Variants in DBN1 observed in about 807,000 individuals in gnomAD.
DBN1 encodes drebrin.
A neutral mutation model predicts 83.5 loss-of-function variants in DBN1; 21 were observed. That is an observed-to-expected ratio of 0.25 (90% CI 0.18 to 0.36). The LOEUF is 0.36. Among genes scored for constraint, DBN1 ranks in the 10% least tolerant of loss-of-function variants. The pLI, the probability that DBN1 is intolerant of heterozygous loss-of-function variation, is 1.00. For synonymous variants in DBN1, 381 were observed against 384.9 expected (o/e 0.99, Z 0.12); for missense variants, 874 against 935.7 (o/e 0.93, Z 0.86).
At position 177,459,219 on chromosome 5, in the gene DBN1, C is replaced by T. The variant is rs781287215; in HGVS notation, c.1143G>A (p.Thr381=). 2.1e-5 allele frequency: 34 copies of T among 1,610,848 alleles called. No homozygotes were observed. The highest frequency in any genetic ancestry group is 1.5e-4 in the African/African-American group (11 of 74,714). ...CGGTGCTGGAGTCAGACGGGCTCCG[C>T]GTGGGGATGGGAGTGGGCGCCATCC... ...HRRMAPTPIP[T]RSPSDSSTAS... The change falls in exon 12 of 15, where the codon ACG becomes ACA. Residue 381 remains threonine, a synonymous_variant. Transcript: ENST00000393565.
chr5:177,458,954 C>G, intron 12 of DBN1, 144 bp downstream of exon 12: 1 of 1,401,378 alleles, frequency 7.1e-7, no homozygotes, highest in South Asian at 1.5e-5. Flanking sequence ...CACCAGGGCT[C>G]CTCCCCACAC....
At chr5:177,468,583 T>C (rs963110406) in intron 2 of DBN1, 22 of 432,630 alleles carry the variant, frequency 5.1e-5, no homozygotes, top group Non-Finnish European at 7.4e-5. Context: ...TCCCCCAAAG[T>C]GTCCCAGCTG....
At chr5:177,468,976 G>T in intron 1 of DBN1, 77 bp from the exon 2 acceptor site, 2 of 909,804 alleles carry the variant, frequency 2.2e-6, no homozygotes, top group East Asian at 5.9e-5. Context: ...CTCTGGGGAG[G>T]GAGAGGGACA....
At position 177,466,618 on chromosome 5, in the gene DBN1, C is replaced by G. The variant is rs1757458050; in HGVS notation, c.771+154G>C. On this transcript the variant is annotated intron_variant, in intron 8 of 14. Transcript: ENST00000393565. The surrounding 1 kb of genome is among the most constrained non-coding windows in gnomAD (Gnocchi z 4.8). ...GCCAGAGCCCCACGTGATGAGGTGC[C>G]AGGCCTCATGCTCCATGGCACCCTG... is the stretch of plus-strand genomic sequence containing the variant. Among the ~76,000 whole-genome samples, 1 of 152,178 alleles carries G rather than the reference C, an allele frequency of 6.6e-6. No homozygotes were observed. The highest frequency in any genetic ancestry group is 1.5e-5 in the Non-Finnish European group (1 of 68,032).
At chr5:177,459,550 G>A (rs1756849817) in intron 11 of DBN1, 53 bp downstream of exon 11, 1 of 1,449,580 alleles carries the variant, frequency 6.9e-7, no homozygotes, top group Admixed American at 2.6e-5. Flanking sequence ...GGGGGCTGCT[G>A]GGAAGCGGGG....
At chr5:177,472,122 C>G in intron 1 of DBN1, 1 of 1,608,224 alleles carries the variant, frequency 6.2e-7, no homozygotes, top group Non-Finnish European at 8.5e-7. Flanking sequence ...GACTGACCTG[C>G]AGGACACGAG....
intron 1 of DBN1, chr5:177,472,135 CTTGTCTCT>C (rs1384271078): frequency 1.2e-6 from 2 of 1,611,638 alleles, no homozygotes; most frequent in East Asian, 2.2e-5. Flanking sequence ...GACACGAGAG[CTTGTCTCT>C]CGCGTCCATC....
intron 1 of DBN1, among the ~76,000 whole-genome samples, chr5:177,471,134 T>TGGGGTGAGCTGGGATGG (rs1217800970): frequency 1.3e-5 from 2 of 150,990 alleles, no homozygotes; most frequent in African/African-American, 2.4e-5. Context: ...CCAGAGACCC[T>TGGGGTGAGCTGGGATGG]GGGGTGAGCT....
intron 8 of DBN1, among the ~76,000 whole-genome samples, chr5:177,461,772 C>T (rs1265966360): frequency 6.6e-6 from 1 of 152,166 alleles, no homozygotes; most frequent in Non-Finnish European, 1.5e-5. Flanking sequence ...AGGACCTTTC[C>T]AAAATGCGGA....
At chr5:177,469,817 G>A (rs1254047385) in intron 1 of DBN1, among the ~76,000 whole-genome samples, 1 of 152,226 alleles carries the variant, frequency 6.6e-6, no homozygotes, top group Non-Finnish European at 1.5e-5. Context: ...AGGGAGGAGA[G>A]CCGGGGCCTA....
At chr5:177,459,889 C>G in intron 10 of DBN1, 149 bp from the exon 11 acceptor site, 1 of 865,586 alleles carries the variant, frequency 1.2e-6, no homozygotes, top group South Asian at 2.1e-5. Flanking sequence ...AAGCCAGCCG[C>G]AGCCTCACAC....
chr5:177,461,780 G>A (rs528523306), intron 8 of DBN1, among the ~76,000 whole-genome samples: 10 of 152,246 alleles, frequency 6.6e-5, no homozygotes, highest in South Asian at 2.1e-4. Flanking sequence ...TCCAAAATGC[G>A]GATCAGACCA....
chr5:177,465,006 T>C (rs899734343), intron 8 of DBN1, among the ~76,000 whole-genome samples: 1 of 151,950 alleles, frequency 6.6e-6, no homozygotes, highest in Non-Finnish European at 1.5e-5. Context: ...TACAAAAAAT[T>C]AGCCGGACGT....
chr5:177,457,403 G>A lies in DBN1; in HGVS notation c.*30C>T. The A allele has an allele frequency of 6.2e-7, 1 of 1,605,776 alleles. No homozygotes were observed. The highest frequency in any genetic ancestry group is 8.5e-7 in the Non-Finnish European group (1 of 1,172,692). ...GAGGCTGATGCAGGTGGGCGGCCTT[G>A]GCAAGGGTAGCCTAGGGCTGGCGCC... is the stretch of plus-strand genomic sequence containing the variant. On this transcript the variant is annotated 3_prime_UTR_variant, in exon 15 of 15. Coordinates refer to ENST00000393565, the MANE Select transcript of DBN1 (RefSeq NM_001363541.2).
intron 8 of DBN1, among the ~76,000 whole-genome samples, chr5:177,461,587 T>C (rs539916741): frequency 2.0e-5 from 3 of 152,234 alleles, no homozygotes; most frequent in African/African-American, 7.2e-5. Flanking sequence ...CATCCCCATA[T>C]CTAAGCAGGT....
At chr5:177,462,628 G>C (rs1368961567) in intron 8 of DBN1, among the ~76,000 whole-genome samples, 1 of 152,200 alleles carries the variant, frequency 6.6e-6, no homozygotes, top group Admixed American at 6.5e-5. Flanking sequence ...CACACCAAAG[G>C]CTTCTTAGTC....
chr5:177,467,634 CA>C lies in DBN1; in HGVS notation c.331-8del, dbSNP rs1757542392. 6.4e-7 allele frequency: 1 copy of C among 1,570,868 alleles called. No individual in the cohort carries two copies. Among genetic ancestry groups the C allele is most frequent in the East Asian group, 2.3e-5 (1 of 42,556 alleles). ...TCACGATCACGTCGACACCCTTCCGCAAGAAGACGGCAGTGCTCAGGCGGCA... is the reference window on the plus strand; with the variant it reads ...TCACGATCACGTCGACACCCTTCCGCAGAAGACGGCAGTGCTCAGGCGGCA... On this transcript the variant is annotated splice_polypyrimidine_tract_variant and splice_region_variant and intron_variant, in intron 4 of 14. Coordinates refer to ENST00000393565, the MANE Select transcript of DBN1 (RefSeq NM_001363541.2). The surrounding 1 kb of genome is among the most constrained non-coding windows in gnomAD (Gnocchi z 9.1).
intron 1 of DBN1, among the ~76,000 whole-genome samples, chr5:177,469,709 T>C (rs1043648876): frequency 1.3e-5 from 2 of 152,308 alleles, no homozygotes; most frequent in Non-Finnish European, 2.9e-5. Flanking sequence ...CTGGCTCCTT[T>C]TGATAGGCTG....
intron 10 of DBN1, 80 bp downstream of exon 10, chr5:177,460,352 C>G (rs1202012129): frequency 6.2e-7 from 1 of 1,600,722 alleles, no homozygotes; most frequent in Non-Finnish European, 8.5e-7. Flanking sequence ...GGCAAGGCCT[C>G]CCTTCTGAGA....
Sources: gnomAD v4.1 joint callset for allele counts (sites outside exome capture counted in the v4.1 genomes callset) on GRCh38, gnomAD v4.1.1 for gene constraint, Gnocchi (gnomAD v3.1) non-coding constraint, MANE v1.5 for transcripts, NCBI Gene and HGNC (gene_info 2026-07-23, HGNC 2026-07-21) for gene names.